Variants in LYRM4 observed in about 807,000 individuals in gnomAD.
LYRM4 encodes the protein LYR motif containing 4.
In LYRM4, 9 loss-of-function variants were observed where a neutral mutation model predicts 11.7. That is an observed-to-expected ratio of 0.77 (90% CI 0.46 to 1.34). The LOEUF is 1.34. Among genes scored for constraint, LYRM4 ranks in the 40% most tolerant of loss-of-function variants. LYRM4 has a pLI of 0.00. For synonymous variants in LYRM4, 42 were observed against 40.4 expected, an observed-to-expected ratio of 1.04 and a Z score of -0.15; for missense variants, 133 against 112.5, an observed-to-expected ratio of 1.18 and a Z score of -0.82.
At chr6:5,129,529 C>T (rs1242439958) in intron 2 of LYRM4, among the ~76,000 whole-genome samples, 1 of 152,172 alleles carries the variant, frequency 6.6e-6, no homozygotes, top group Admixed American at 6.5e-5. Flanking sequence ...TCTCTCTGTG[C>T]AATCAAACCT....
At chr6:5,192,759 C>T (rs2746223) in intron 2 of LYRM4, among the ~76,000 whole-genome samples, 10,539 of 152,302 alleles carry the variant, frequency 0.069, 1,076 homozygotes, top group African/African-American at 0.23. Context: ...GGCGCGGTGG[C>T]CCGCGCCTGT....
chr6:5,136,494 AC>A, intron 2 of LYRM4: 4 of 947,076 alleles, frequency 4.2e-6, no homozygotes, highest in Non-Finnish European at 5.0e-6. Context: ...GTTTCACCTA[AC>A]CCTGTAGTCT....
chr6:5,058,423 C>T, the LYRM4 span, among the ~76,000 whole-genome samples: 1 of 152,204 alleles, frequency 6.6e-6, no homozygotes, highest in Non-Finnish European at 1.5e-5. Flanking sequence ...CATCCACTTC[C>T]ACACCAGCCA....
intron 2 of LYRM4, among the ~76,000 whole-genome samples, chr6:5,161,882 C>T (rs546189963): frequency 6.6e-6 from 1 of 152,244 alleles, no homozygotes; most frequent in East Asian, 1.9e-4. Context: ...ACTGGGTGCC[C>T]ATTATCTTCA....
In LYRM4 at chr6:5,188,424, A is replaced by C. The variant is rs534530709; in HGVS notation, c.207+28194T>G. Among the ~76,000 whole-genome samples the C allele has an allele frequency of 2.6e-3, 396 of 152,328 alleles. 2 individuals are homozygous for C. The highest frequency in any genetic ancestry group is 9.2e-3 in the African/African-American group (382 of 41,572). On this transcript the variant is annotated intron_variant, in intron 2 of 2. Transcript: ENST00000330636. ...TTTGATTAAAAAATGGTAAGTAAAC[A>C]CAAATTTCAGAAAGATTAAGTTACC...
intron 2 of LYRM4, among the ~76,000 whole-genome samples, chr6:5,180,723 T>C (rs2127677770): frequency 1.3e-5 from 2 of 152,334 alleles, no homozygotes; most frequent in South Asian, 4.1e-4. Flanking sequence ...ACTGCAGCGA[T>C]GCTCTCGTGG....
At chr6:5,253,730 C>T (rs960356826) in intron 1 of LYRM4, among the ~76,000 whole-genome samples, 4 of 151,620 alleles carry the variant, frequency 2.6e-5, no homozygotes, top group South Asian at 2.1e-4. Flanking sequence ...TTACAATACT[C>T]GAGAAGTTGC....
chr6:5,070,419 T>C, the LYRM4 span, among the ~76,000 whole-genome samples: 2 of 152,226 alleles, frequency 1.3e-5, no homozygotes, highest in African/African-American at 2.4e-5. Context: ...TATTGCTAGA[T>C]AGTGAAAGTA....
At chr6:5,146,874 T>G (rs1469365105) in intron 2 of LYRM4, among the ~76,000 whole-genome samples, 1 of 152,152 alleles carries the variant, frequency 6.6e-6, no homozygotes, top group South Asian at 2.1e-4. Flanking sequence ...ATGAAATAAT[T>G]CCAATACATT....
chr6:5,246,377 C>T (rs536213799), intron 1 of LYRM4, among the ~76,000 whole-genome samples: 279 of 152,268 alleles, frequency 1.8e-3, no homozygotes, highest in Non-Finnish European at 3.3e-3. Context: ...TGGGTGAGAC[C>T]GTGCAGGTTC....
At chr6:5,250,620 T>A (rs1334105112) in intron 1 of LYRM4, among the ~76,000 whole-genome samples, 1 of 152,220 alleles carries the variant, frequency 6.6e-6, no homozygotes, top group Non-Finnish European at 1.5e-5. Flanking sequence ...GAATCACCTC[T>A]AGTTGCCTGT....
chr6:5,186,589 A>G (rs1561856742), intron 2 of LYRM4: 11 of 978,206 alleles, frequency 1.1e-5, no homozygotes, highest in Non-Finnish European at 1.3e-5. Flanking sequence ...AATCTACAAA[A>G]GCACCAGAAG....
Position 5,154,689 on chromosome 6 carries a change from C to G in LYRM4, c.208-45198G>C, listed in dbSNP as rs571000074. Among the ~76,000 whole-genome samples, 234 of 152,146 alleles carry G rather than the reference C, an allele frequency of 1.5e-3. 3 individuals are homozygous for G. The highest frequency in any genetic ancestry group is 7.2e-3 in the East Asian group (37 of 5,150). ...AAAGAATTAGCCGGGCGTGGTGTCA[C>G]GCGCCTGTAGTCCCAGCTACTCGGG... On this transcript the variant is annotated intron_variant, in intron 2 of 2. Transcript: ENST00000330636.
intron 2 of LYRM4, among the ~76,000 whole-genome samples, chr6:5,202,963 A>G (rs1364962361): frequency 6.6e-6 from 1 of 152,140 alleles, no homozygotes; most frequent in East Asian, 1.9e-4. Flanking sequence ...GACAGAGAGG[A>G]CAGCCCTAGT....
chr6:5,206,694 G>A (rs1581505063), intron 2 of LYRM4, among the ~76,000 whole-genome samples: 1 of 152,298 alleles, frequency 6.6e-6, no homozygotes, highest in Non-Finnish European at 1.5e-5. Flanking sequence ...GAAGAGGCGG[G>A]AGGAGTGGGG....
Position 5,139,665 on chromosome 6 carries a change from C to A in LYRM4, c.208-30174G>T, listed in dbSNP as rs535916402. On this transcript the variant is annotated intron_variant, in intron 2 of 2. Coordinates refer to ENST00000330636, the MANE Select transcript of LYRM4 (RefSeq NM_020408.6). ...TCTTGTGCTGATCACTGAGCTTTGG[C>A]TATAGGCAGCCAATTGTTCAAACTG... 2.6e-5 allele frequency among the ~76,000 whole-genome samples: 4 copies of A among 152,302 alleles called. No individual in the cohort carries two copies. In the East Asian group the frequency reaches 7.7e-4, roughly 29 times the overall value.
chr6:5,240,366 T>C (rs1222432529), intron 1 of LYRM4, among the ~76,000 whole-genome samples: 3 of 152,194 alleles, frequency 2.0e-5, no homozygotes, highest in Non-Finnish European at 4.4e-5. Flanking sequence ...GTTAATTTAT[T>C]TTCAATGTAT....
At chr6:5,227,350 A>G (rs1762952556) in intron 1 of LYRM4, among the ~76,000 whole-genome samples, 1 of 152,202 alleles carries the variant, frequency 6.6e-6, no homozygotes, top group Admixed American at 6.5e-5. Context: ...AGGATCTATG[A>G]AAGGAGAGGG....
chr6:5,131,437 C>T (rs538707174), intron 2 of LYRM4, among the ~76,000 whole-genome samples: 11 of 152,296 alleles, frequency 7.2e-5, no homozygotes, highest in East Asian at 1.9e-4. Context: ...CAATGGCTCA[C>T]GCCTGTAATC....
Sources: gnomAD v4.1 joint callset for allele counts (sites outside exome capture counted in the v4.1 genomes callset) on GRCh38, gnomAD v4.1.1 for gene constraint, MANE v1.5 for transcripts, NCBI Gene and HGNC (gene_info 2026-07-23, HGNC 2026-07-21) for gene names.